The following NIPSNAP2 variants were observed in gnomAD, a reference collection of about 807,000 sequenced individuals.
NIPSNAP2 encodes the protein nipsnap homolog 2.
Under a neutral mutation model 48.4 loss-of-function variants are expected in NIPSNAP2, and 42 were observed. The observed-to-expected ratio is 0.87, with a 90% CI of 0.68 to 1.12. The LOEUF is 1.12. Among genes scored for constraint, NIPSNAP2 ranks in the 50% most tolerant of loss-of-function variants. NIPSNAP2 has a pLI of 0.00. For synonymous variants in NIPSNAP2, 158 were observed against 126.6 expected (o/e 1.25, Z -1.67); for missense variants, 314 against 347.3 (o/e 0.90, Z 0.76).
At chr7:55,972,493 C>T (rs1306538256) in intron 1 of NIPSNAP2, among the ~76,000 whole-genome samples, 2 of 145,646 alleles carry the variant, frequency 1.4e-5, no homozygotes, top group Non-Finnish European at 3.0e-5. Flanking sequence ...AGTGTAGTGG[C>T]GTGATCTCGG....
At position 55,964,625 on chromosome 7, in the gene NIPSNAP2, C is replaced by G. The variant is rs1351246592; in HGVS notation, c.16C>G (p.Leu6Val). 9.5e-7 allele frequency: 1 copy of G among 1,056,010 alleles called. No individual in the cohort carries two copies. The highest frequency in any genetic ancestry group is 1.1e-6 in the Non-Finnish European group (1 of 877,164). The allele number at this position is 1,056,010 out of a possible 1,614,324, so 65.4% of individuals were successfully genotyped here. Residue 6 changes from leucine (L) to valine (V), a missense_variant, in exon 1 of 10, where the codon CTG (leucine) becomes GTG (valine). Leu to Val is a conservative substitution (Grantham distance 32). Around this residue, in one of 2 missense-constraint regions of NIPSNAP2, gnomAD observed 198 missense variants for 185.5 expected, o/e 1.07. Transcript: ENST00000322090. The part of the protein sequence containing the change: MAARV[L>V]RARGAAWAGG... ...GCCGAGCAAGATGGCGGCGCGAGTG[C>G]TGCGCGCCCGCGGAGCGGCCTGGGC...
chr7:55,971,226 A>C (rs1787010716), intron 1 of NIPSNAP2, among the ~76,000 whole-genome samples: 1 of 152,138 alleles, frequency 6.6e-6, no homozygotes. Context: ...CATGTTAGGC[A>C]GCTTTGGTCA....
At chr7:55,968,531 G>A (rs776361953) in intron 1 of NIPSNAP2, among the ~76,000 whole-genome samples, 3 of 151,886 alleles carry the variant, frequency 2.0e-5, no homozygotes, top group Admixed American at 6.6e-5. Context: ...GACTACAGGC[G>A]TGCGCCACCA....
intron 1 of NIPSNAP2, among the ~76,000 whole-genome samples, chr7:55,976,504 A>G (rs1266238037): frequency 1.3e-5 from 2 of 152,198 alleles, no homozygotes; most frequent in Non-Finnish European, 2.9e-5. Context: ...CCATTTTGAT[A>G]TGGATGATGC....
chr7:55,995,330 G>T (rs1028673426), intron 8 of NIPSNAP2, among the ~76,000 whole-genome samples: 1 of 152,184 alleles, frequency 6.6e-6, no homozygotes, highest in Non-Finnish European at 1.5e-5. Flanking sequence ...CTCGACAGAG[G>T]CAGGCCTGCA....
chr7:55,970,199 C>T (rs1786991693), intron 1 of NIPSNAP2, among the ~76,000 whole-genome samples: 2 of 152,020 alleles, frequency 1.3e-5, no homozygotes, highest in Non-Finnish European at 1.5e-5. Context: ...GTGCCTTCTG[C>T]ATACCTGGTG....
At position 55,976,039 on chromosome 7, in the gene NIPSNAP2, A is replaced by AGT. The variant is rs60119988; in HGVS notation, c.93-2056_93-2055dup. 2.2e-3 allele frequency among the ~76,000 whole-genome samples: 324 copies of AGT among 150,424 alleles called. 3 individuals carry two copies. The East Asian group carries it at 0.042, about 19-fold the overall frequency. ...CAACAGAGCGAGATTCTCTCAAAAAAGTGTGTGTGTGTGTGTGTGTGTGTG... is the reference window on the plus strand; with the variant it reads ...CAACAGAGCGAGATTCTCTCAAAAAAGTGTGTGTGTGTGTGTGTGTGTGTGTG... On this transcript the variant is annotated intron_variant, in intron 1 of 9. Coordinates refer to ENST00000322090, the MANE Select transcript of NIPSNAP2 (RefSeq NM_001483.3).
chr7:55,994,419 A>C (rs969980236), intron 7 of NIPSNAP2, among the ~76,000 whole-genome samples: 5 of 152,236 alleles, frequency 3.3e-5, no homozygotes, highest in Non-Finnish European at 5.9e-5. Flanking sequence ...ATATACATTA[A>C]AATGACTTTT....
At chr7:55,971,248 A>G (rs536235863) in intron 1 of NIPSNAP2, among the ~76,000 whole-genome samples, 1 of 152,300 alleles carries the variant, frequency 6.6e-6, no homozygotes, top group East Asian at 1.9e-4. Flanking sequence ...CTGACACTCA[A>G]AGATTTCAGT....
At chr7:55,992,012 T>C (rs1027665166) in intron 7 of NIPSNAP2, 3 of 155,328 alleles carry the variant, frequency 1.9e-5, no homozygotes, top group African/African-American at 4.8e-5. Flanking sequence ...AGAATGCACA[T>C]TGAAGTGATT....
Position 55,978,271 on chromosome 7 carries a change from T to C in NIPSNAP2, c.232+6T>C, listed in dbSNP as rs1320483354. 1.2e-6 allele frequency: 2 copies of C among 1,614,000 alleles called. No homozygotes were observed. Among genetic ancestry groups the C allele is most frequent in the South Asian group, 2.2e-5 (2 of 91,042 alleles). Reference sequence around the variant, plus strand: ...CAATCTATACAAATTACAGTGTGAGTGACAGGTTTGCTATCTTCATAGTTG... The same window carrying C: ...CAATCTATACAAATTACAGTGTGAGCGACAGGTTTGCTATCTTCATAGTTG... On this transcript the variant is annotated splice_donor_region_variant and intron_variant, in intron 2 of 9. Coordinates refer to ENST00000322090, the MANE Select transcript of NIPSNAP2 (RefSeq NM_001483.3).
intron 4 of NIPSNAP2, chr7:55,981,995 C>T (rs1041864333): frequency 8.0e-6 from 3 of 377,162 alleles, no homozygotes; most frequent in South Asian, 8.7e-5. Flanking sequence ...TTAGTAGAGA[C>T]AGGGTTTCAC....
At chr7:55,996,923 G>C (rs148375433) in intron 8 of NIPSNAP2, among the ~76,000 whole-genome samples, 63 of 152,216 alleles carry the variant, frequency 4.1e-4, no homozygotes, top group African/African-American at 1.4e-3. Flanking sequence ...GCTCACCCCT[G>C]TAATTCTAGC....
At position 55,964,620 on chromosome 7, in the gene NIPSNAP2, G is replaced by A; in HGVS notation, c.11G>A (p.Arg4Gln). Residue 4 changes from arginine (R) to glutamine (Q), a missense_variant, in exon 1 of 10, where the codon CGA (arginine) becomes CAA (glutamine). Physicochemically the swap from Arg to Gln is conservative, Grantham distance 43 (BLOSUM62 1). Transcript: ENST00000322090. The part of the protein sequence containing the change: MAA[R>Q]VLRARGAAWA... The stretch of plus-strand genomic sequence containing the variant: ...GAGGCGCCGAGCAAGATGGCGGCGC[G>A]AGTGCTGCGCGCCCGCGGAGCGGCC... 1.9e-6 allele frequency: 2 copies of A among 1,048,262 alleles called. No individual in the cohort carries two copies. The highest frequency in any genetic ancestry group is 2.3e-6 in the Non-Finnish European group (2 of 872,222). The allele number at this position is 1,048,262 out of a possible 1,614,324, so 64.9% of individuals were successfully genotyped here.
At chr7:55,983,616 TG>T in intron 5 of NIPSNAP2, 111 bp from the exon 6 acceptor site, 1 of 1,043,918 alleles carries the variant, frequency 9.6e-7, no homozygotes, top group Non-Finnish European at 1.4e-6. Flanking sequence ...TCAGGCCAAC[TG>T]GGACCTGTTG....
Position 55,978,135 on chromosome 7 carries a change from A to G in NIPSNAP2, c.102A>G (p.Thr34=). 6.2e-7 allele frequency: 1 copy of G among 1,614,178 alleles called. No individual in the cohort carries two copies. Among genetic ancestry groups the G allele is most frequent in the Non-Finnish European group, 8.5e-7 (1 of 1,180,038 alleles). ...CSLLPRLRTW[T]SSSNRSREDS... is the part of the protein sequence containing the mutation. Reference sequence around the variant, plus strand: ...CTTTGTTATTCCATAGGACATGGACATCTTCCAGCAACAGATCTCGAGAAG... The same window carrying G: ...CTTTGTTATTCCATAGGACATGGACGTCTTCCAGCAACAGATCTCGAGAAG... Residue 34 remains threonine, a synonymous_variant, in exon 2 of 10, where the codon ACA becomes ACG. Transcript: ENST00000322090.
chr7:55,989,360 C>A (rs1787396431), intron 7 of NIPSNAP2, among the ~76,000 whole-genome samples: 3 of 152,188 alleles, frequency 2.0e-5, no homozygotes, highest in Admixed American at 2.0e-4. Context: ...TGCTATGGCT[C>A]ACACCTCTAA....
intron 7 of NIPSNAP2, among the ~76,000 whole-genome samples, chr7:55,993,511 G>A (rs1376618101): frequency 6.6e-6 from 1 of 151,328 alleles, no homozygotes; most frequent in South Asian, 2.1e-4. Flanking sequence ...CCCAGAAGGT[G>A]GAGGTTGCAG....
At chr7:55,993,494 G>T (rs1787492379) in intron 7 of NIPSNAP2, among the ~76,000 whole-genome samples, 1 of 151,066 alleles carries the variant, frequency 6.6e-6, no homozygotes, top group South Asian at 2.1e-4. Flanking sequence ...CAGGAAAATC[G>T]CTTGAACCCA....
Sources: gnomAD v4.1 joint callset for allele counts (sites outside exome capture counted in the v4.1 genomes callset) on GRCh38, gnomAD v4.1.1 for gene constraint, gnomAD v4.1.1 regional missense constraint, MANE v1.5 for transcripts, NCBI Gene and HGNC (gene_info 2026-07-23, HGNC 2026-07-21) for gene names.